The following PKD1 variants were observed in gnomAD, a reference collection of about 807,000 sequenced individuals.
PKD1 encodes the protein polycystin 1, transient receptor potential channel interacting, also known as polycystin-1.
PKD1 carries 81 observed loss-of-function variants against 361.7 expected under a neutral mutation model. The ratio of observed to expected loss-of-function variants is 0.22; its 90% confidence interval spans 0.19 to 0.27. The LOEUF is 0.27. Among genes scored for constraint, PKD1 ranks in the 10% least tolerant of loss-of-function variants. PKD1 has a pLI of 1.00. For missense variants in PKD1, 6,399 were observed against 6,118.3 expected (o/e 1.05, Z -1.53); for synonymous variants, 3,615 against 2,818.3 (o/e 1.28, Z -8.95).
At chr16:2,107,704 CTG>C (rs2092392302) in intron 16 of PKD1, 177 bp downstream of exon 16, 1 of 670,258 alleles carries the variant, frequency 1.5e-6, no homozygotes. Context: ...GTACGTGGAA[CTG>C]TGGCAGGTTT....
chr16:2,110,198 T>G lies in PKD1; in HGVS notation c.4969A>C (p.Arg1657=), dbSNP rs758541716. ...CTGTAGGAGACGTTGGTGCCATCCCTAACCACGGCCTGCAGCTGTACCGTG... is the reference window on the plus strand; with the variant it reads ...CTGTAGGAGACGTTGGTGCCATCCCGAACCACGGCCTGCAGCTGTACCGTG... ...NHTVQLQAVV[R]DGTNVSYSWT... Residue 1657 remains arginine (R), a synonymous_variant, in exon 15 of 46, where the codon AGG becomes CGG. Coordinates refer to ENST00000262304, the MANE Select transcript of PKD1 (RefSeq NM_001009944.3). 6.2e-7 allele frequency: 1 copy of G among 1,611,584 alleles called. No individual in the cohort carries two copies. The highest frequency in any genetic ancestry group is 8.5e-7 in the Non-Finnish European group (1 of 1,179,800).
rs759566009 is a variant in PKD1, at chr16:2,114,640, G to C, written c.2383C>G (p.Arg795Gly). The C allele has an allele frequency of 2.6e-6, 4 of 1,561,734 alleles. No individual in the cohort carries two copies. The highest frequency in any genetic ancestry group is 2.3e-4 in the Middle Eastern group (1 of 4,392). ...RPNPGLRLPGRYEVRAEVGNG... is the reference protein window; with the variant it reads ...RPNPGLRLPGGYEVRAEVGNG... ...CCCACCTCTGCCCGGACCTCATAGC[G>C]CCCAGGCAGCCGCAGTCCAGGGTTG... The change falls in exon 11 of 46, where the codon CGC (arginine) becomes GGC (glycine). Residue 795 changes from arginine (R) to glycine (G), a missense_variant. Arg to Gly is a moderately radical substitution (Grantham distance 125). Transcript: ENST00000262304.
At position 2,110,064 on chromosome 16, in the gene PKD1, G is replaced by A. The variant is rs371524786; in HGVS notation, c.5103C>T (p.Asn1701=). 3 of 1,610,022 alleles carry A rather than the reference G, an allele frequency of 1.9e-6. No individual in the cohort carries two copies. Among genetic ancestry groups the A allele is most frequent in the African/African-American group, 1.3e-5 (1 of 74,866 alleles). ...AGTCGGCCCAGGCGCTGCCCAGCAT[G>A]TTGGTGGCCCGCAGCTGCACATGGT... The part of the protein sequence containing the change: ...GTYHVQLRAT[N]MLGSAWADCT... The change falls in exon 15 of 46, where the codon AAC becomes AAT. Residue 1701 remains asparagine (N), a synonymous_variant. Coordinates refer to ENST00000262304, the MANE Select transcript of PKD1 (RefSeq NM_001009944.3).
rs750452782 is a variant in PKD1 at position 2,105,869 on chromosome 16, T to G, written c.7859A>C (p.Asn2620Thr). 1 of 1,596,046 alleles carries G rather than the reference T, an allele frequency of 6.3e-7. No homozygotes were observed. The highest frequency in any genetic ancestry group is 1.1e-5 in the South Asian group (1 of 90,986). Reference sequence around the variant, plus strand: ...CCCCTCCCAGGCTGCACTCACCTCGTTCAGCACGGTGACCAGGGCCAACGA... The same window carrying G: ...CCCCTCCCAGGCTGCACTCACCTCGGTCAGCACGGTGACCAGGGCCAACGA... ...EYSLALVTVL[N>T]EYERALDVAA... The change falls in exon 20 of 46, where the codon AAC becomes ACC. Residue 2620 changes from asparagine (N) to threonine (T), a missense_variant. Transcript: ENST00000262304.
In PKD1 at chr16:2,112,930, C is replaced by A. The variant is rs376176735; in HGVS notation, c.3019G>T (p.Val1007Leu). The A allele has an allele frequency of 1.2e-6, 2 of 1,603,904 alleles. No homozygotes were observed. Among genetic ancestry groups the A allele is most frequent in the Non-Finnish European group, 1.7e-6 (2 of 1,179,732 alleles). Residue 1007 changes from valine (V) to leucine (L), a missense_variant, in exon 13 of 46, where the codon GTG becomes TTG. Transcript: ENST00000262304. ...CGCTCCACGGTTACGTTGTAGTTCA[C>A]GGTGACGTTGCTCACGTGGTTGGAG... is the stretch of plus-strand genomic sequence containing the variant. ...TASNHVSNVTVNYNVTVERMN... is the reference protein window; with the variant it reads ...TASNHVSNVTLNYNVTVERMN...
Position 2,105,999 on chromosome 16 carries a change from G to A in PKD1, c.7729C>T (p.Pro2577Ser), listed in dbSNP as rs775466134. Residue 2577 changes from proline to serine, a missense_variant, in exon 20 of 46, where the codon CCC (proline) becomes TCC (serine). Physicochemically the swap from Pro to Ser is moderately conservative, Grantham distance 74. Transcript: ENST00000262304. The part of the protein sequence containing the change: ...NRSLAITLPE[P>S]NGSATGLTVW... ...GTGAGCCCCGTTGCGCTGCCGTTGG[G>A]CTCTGGGAGGGTGATGGCCAAAGAC... is the stretch of plus-strand genomic sequence containing the variant. The A allele has an allele frequency of 1.9e-6, 3 of 1,604,854 alleles. No individual in the cohort carries two copies. Among genetic ancestry groups the A allele is most frequent in the African/African-American group, 1.3e-5 (1 of 74,786 alleles).
At position 2,089,216 on chromosome 16, in the gene PKD1, G is replaced by GC. The variant is rs2091323855; in HGVS notation, c.*510dup. On this transcript the variant is annotated 3_prime_UTR_variant, in exon 46 of 46. Coordinates refer to ENST00000262304, the MANE Select transcript of PKD1 (RefSeq NM_001009944.3). ...TGGGGGAGGCCAGCTCTGGGCGCAG[G>GC]CCCCTCAGCCCTAGTGAAAATAGTG... 5.8e-6 allele frequency: 1 copy of GC among 173,528 alleles called. No individual in the cohort carries two copies. Among genetic ancestry groups the GC allele is most frequent in the Admixed American group, 5.5e-5 (1 of 18,226 alleles). 10.7% of individuals were successfully genotyped at this position (173,528 alleles called of 1,614,324 possible).
rs774694720 is a variant in PKD1 at position 2,105,900 on chromosome 16, C to A, written c.7828G>T (p.Glu2610Ter). 6.3e-7 allele frequency: 1 copy of A among 1,596,502 alleles called. No individual in the cohort carries two copies. The highest frequency in any genetic ancestry group is 1.1e-5 in the South Asian group (1 of 90,990). Residue 2610 changes from glutamate (E) to a stop codon, truncating the protein, a stop_gained, in exon 20 of 46, where the codon GAG (glutamate) becomes TAG (stop). Coordinates refer to ENST00000262304, the MANE Select transcript of PKD1 (RefSeq NM_001009944.3). LOFTEE classifies it high-confidence loss of function. ...LRQADPQHVI[E>*]YSLALVTVLN... is the part of the protein sequence containing the mutation. ...ACGGTGACCAGGGCCAACGAGTACT[C>A]GATGACGTGCTGGGGATCGGCCTGC...
intron 1 of PKD1, among the ~76,000 whole-genome samples, chr16:2,126,136 A>G (rs183415661): frequency 4.9e-4 from 74 of 152,334 alleles, no homozygotes; most frequent in Non-Finnish European, 7.5e-4. Context: ...GGCACAGCCA[A>G]TGATGGTACG....
In PKD1 at chr16:2,110,320, T is replaced by C. The variant is rs1298209035; in HGVS notation, c.4847A>G (p.Glu1616Gly). 6.2e-7 allele frequency: 1 copy of C among 1,612,616 alleles called. No individual in the cohort carries two copies. Among genetic ancestry groups the C allele is most frequent in the Non-Finnish European group, 8.5e-7 (1 of 1,179,846 alleles). ...TFNIIVTAENEVGSAQDSIFV... is the reference protein window; with the variant it reads ...TFNIIVTAENGVGSAQDSIFV... ...GATGCTGTCCTGGGCGGAGCCCACC[T>C]CGTTCTCAGCCGTGACGATGATATT... The change falls in exon 15 of 46, where the codon GAG becomes GGG. Residue 1616 changes from glutamate to glycine, a missense_variant. Physicochemically the swap from Glu to Gly is moderately conservative, Grantham distance 98. Transcript: ENST00000262304.
chr16:2,110,029 T>C lies in PKD1; in HGVS notation c.5138A>G (p.Asp1713Gly), dbSNP rs774199091. 3 of 1,610,540 alleles carry C rather than the reference T, an allele frequency of 1.9e-6. No individual in the cohort carries two copies. Among genetic ancestry groups the C allele is most frequent in the Non-Finnish European group, 2.5e-6 (3 of 1,179,698 alleles). The change falls in exon 15 of 46, where the codon GAC (aspartate) becomes GGC (glycine). Residue 1713 changes from aspartate (D) to glycine (G), a missense_variant. By Grantham distance (94) the Asp-to-Gly change is moderately conservative. Transcript: ENST00000262304. ...CAGCCACCCCACAGGCTCCACGAAGTCCATGGTGCAGTCGGCCCAGGCGCT... is the reference window on the plus strand; with the variant it reads ...CAGCCACCCCACAGGCTCCACGAAGCCCATGGTGCAGTCGGCCCAGGCGCT... ...LGSAWADCTM[D>G]FVEPVGWLMV...
At position 2,126,741 on chromosome 16, in the gene PKD1, A is replaced by T. The variant is rs1487044743; in HGVS notation, c.216-7363T>A. Among the ~76,000 whole-genome samples, 6 of 152,246 alleles carry T rather than the reference A, an allele frequency of 3.9e-5. No individual in the cohort carries two copies. In the East Asian group the frequency reaches 1.2e-3, roughly 29 times the overall value. On this transcript the variant is annotated intron_variant, in intron 1 of 45. Transcript: ENST00000262304. ...GCTGCCGTGGCCACTGCAGAGCTCC[A>T]GAAAAGAACATGTGTGTCTCCCTCC...
rs537034114 is a variant in PKD1, at chr16:2,102,382, G to A, written c.9200C>T (p.Pro3067Leu). The part of the protein sequence containing the change: ...VPPSHVRFVF[P>L]EPTADVNYIV... ...TCCCAGGAGCACAGGGTCACTCACA[G>A]GAAACACAAAGCGGACATGGCTTGG... is the stretch of plus-strand genomic sequence containing the variant. The change falls in exon 25 of 46, where the codon CCT becomes CTT. Residue 3067 changes from proline (P) to leucine (L), a missense_variant and splice_region_variant. Coordinates refer to ENST00000262304, the MANE Select transcript of PKD1 (RefSeq NM_001009944.3). 6 of 1,555,836 alleles carry A rather than the reference G, an allele frequency of 3.9e-6. No homozygotes were observed. Among genetic ancestry groups the A allele is most frequent in the Admixed American group, 3.9e-5 (2 of 51,470 alleles).
chr16:2,097,260 T>A lies in PKD1; in HGVS notation c.10406-19A>T. ...TCTTCATCTAGAGGTACAGGAGGCA[T>A]AGGGTGGGCCCAGCTGCAAGGGTGA... On this transcript the variant is annotated intron_variant, in intron 33 of 45. Transcript: ENST00000262304. 2 of 1,600,838 alleles carry A rather than the reference T, an allele frequency of 1.2e-6. No homozygotes were observed.
chr16:2,135,232 C>G (rs2092936628), intron 1 of PKD1: 11 of 985,178 alleles, frequency 1.1e-5, no homozygotes, highest in Non-Finnish European at 1.3e-5. Flanking sequence ...GCCCCGCCCC[C>G]GCTGGCGTCT....
intron 34 of PKD1, 70 bp from the exon 35 acceptor site, chr16:2,094,280 C>T (rs1596490693): frequency 6.1e-6 from 6 of 978,586 alleles, no homozygotes; most frequent in Admixed American, 1.8e-5. Flanking sequence ...CCCATGTTAA[C>T]CTGGGCGGGC....
At chr16:2,124,963 C>T (rs987313014) in intron 1 of PKD1, among the ~76,000 whole-genome samples, 3 of 152,204 alleles carry the variant, frequency 2.0e-5, no homozygotes, top group Admixed American at 6.5e-5. Context: ...CCCCCAGGCC[C>T]GTCCCTCCCG....
chr16:2,107,772 C>A (rs2092394885), intron 16 of PKD1, 111 bp downstream of exon 16: 3 of 1,017,768 alleles, frequency 2.9e-6, no homozygotes, highest in Non-Finnish European at 4.4e-6. Flanking sequence ...GCATCAGAAA[C>A]AGAGAGGGGA....
intron 30 of PKD1, among the ~76,000 whole-genome samples, chr16:2,098,375 A>AT (rs1245941343): frequency 6.6e-6 from 1 of 151,334 alleles, no homozygotes; most frequent in African/African-American, 2.4e-5. Flanking sequence ...TGCCCAGCTA[A>AT]TTTTTTGTAT....
Sources: allele counts gnomAD v4.1 joint callset (sites outside exome capture counted in the v4.1 genomes callset), GRCh38; gene constraint gnomAD v4.1.1; transcripts MANE v1.5; gene names NCBI Gene and HGNC (gene_info 2026-07-23, HGNC 2026-07-21).